IDO2: variants seen among roughly 807,000 people sequenced by gnomAD.
The protein encoded by IDO2 is indoleamine 2,3-dioxygenase-like 1 protein.
Under a neutral mutation model 45.1 loss-of-function variants are expected in IDO2, and 46 were observed. That is an observed-to-expected ratio of 1.02 (90% CI 0.80 to 1.30). The LOEUF (loss-of-function observed/expected upper bound fraction) is 1.30. IDO2 is among the 50% of genes most tolerant of loss of function. The probability of loss-of-function intolerance (pLI) is 0.00; values close to 1 mark genes in which losing one functional copy is unlikely to be tolerated. For missense variants in IDO2, 544 were observed against 491.8 expected (o/e 1.11, Z -1.00); for synonymous variants, 218 against 184.9 (o/e 1.18, Z -1.45).
chr8:39,950,353 G>A (rs1045068260), intron 2 of IDO2, among the ~76,000 whole-genome samples: 2 of 152,116 alleles, frequency 1.3e-5, no homozygotes, highest in Non-Finnish European at 2.9e-5. Flanking sequence ...TCAACATGGT[G>A]AAACCCCGTC....
At chr8:40,012,741 G>C (rs1487981054) in intron 9 of IDO2, among the ~76,000 whole-genome samples, 1 of 152,094 alleles carries the variant, frequency 6.6e-6, no homozygotes, top group Admixed American at 6.6e-5. Context: ...GGAAAGGTGG[G>C]GAGGAGAGGA....
intron 3 of IDO2, among the ~76,000 whole-genome samples, chr8:39,972,713 T>C (rs1391068273): frequency 3.3e-5 from 5 of 150,430 alleles, no homozygotes; most frequent in East Asian, 2.0e-4. Context: ...GAAGAGTCAA[T>C]TGATGTGGCA....
chr8:40,000,816 T>C (rs1175716351), intron 8 of IDO2, among the ~76,000 whole-genome samples: 2 of 152,334 alleles, frequency 1.3e-5, no homozygotes, highest in Non-Finnish European at 2.9e-5. Context: ...TCACAATGTT[T>C]GAACTAAGTT....
At chr8:39,981,479 A>C (rs1808351261) in intron 4 of IDO2, among the ~76,000 whole-genome samples, 1 of 152,088 alleles carries the variant, frequency 6.6e-6, no homozygotes, top group African/African-American at 2.4e-5. Flanking sequence ...GGGGGAGAGA[A>C]GAGTGACAGT....
intron 8 of IDO2, among the ~76,000 whole-genome samples, chr8:40,001,245 A>AT (rs1187145007): frequency 0.044 from 4,150 of 94,374 alleles, 300 homozygotes; most frequent in African/African-American, 0.11. Context: ...GGCTTTCCTC[A>AT]TTTTTTTTTT....
chr8:39,994,674 A>G (rs958426345), intron 8 of IDO2, among the ~76,000 whole-genome samples: 53 of 46,426 alleles, frequency 1.1e-3, no homozygotes, highest in African/African-American at 2.9e-3. Flanking sequence ...TGAATCTGGG[A>G]AATTGTTCCT....
Position 39,985,527 on chromosome 8 carries a change from G to A in IDO2, c.449+5G>A. The A allele has an allele frequency of 2.6e-6, 4 of 1,563,834 alleles. No individual in the cohort carries two copies. In the South Asian group the frequency reaches 4.7e-5, roughly 18 times the overall value. ...GGCTAGATTCCTGGAAATTGGGTAA[G>A]TTCTCAGAAATCATTTACGCACTTT... On this transcript the variant is annotated splice_donor_5th_base_variant and intron_variant, in intron 6 of 10. Coordinates refer to ENST00000502986, the Ensembl canonical transcript of IDO2.
At chr8:39,987,144 C>T (rs1808439106) in intron 6 of IDO2, 1 of 152,220 alleles carries the variant, frequency 6.6e-6, no homozygotes, top group Non-Finnish European at 1.5e-5. Flanking sequence ...GCCACTGTGC[C>T]TGGCCAGTTC....
At chr8:39,993,662 T>C (rs1801983348) in intron 8 of IDO2, among the ~76,000 whole-genome samples, 1 of 152,234 alleles carries the variant, frequency 6.6e-6, no homozygotes, top group Non-Finnish European at 1.5e-5. Context: ...TAATAAATTC[T>C]ATATGATAAT....
intron 9 of IDO2, among the ~76,000 whole-genome samples, chr8:40,011,761 T>A (rs1189688857): frequency 1.3e-5 from 2 of 152,230 alleles, no homozygotes; most frequent in African/African-American, 4.8e-5. Flanking sequence ...TTTACTCAGA[T>A]GAGAAAGCTG....
At chr8:39,981,313 G>A (rs890513071) in intron 4 of IDO2, among the ~76,000 whole-genome samples, 5 of 152,206 alleles carry the variant, frequency 3.3e-5, no homozygotes, top group African/African-American at 7.2e-5. Context: ...GCCCGCCTTC[G>A]CCTCCCAAAG....
intron 1 of IDO2, among the ~76,000 whole-genome samples, chr8:39,935,935 GA>G (rs748638797): frequency 1.3e-5 from 2 of 152,152 alleles, no homozygotes; most frequent in Non-Finnish European, 2.9e-5. Context: ...AGTCATAACT[GA>G]AAATCAAAAG....
intron 8 of IDO2, among the ~76,000 whole-genome samples, chr8:40,003,387 A>ATG (rs1277707485): frequency 3.4e-5 from 2 of 58,618 alleles, no homozygotes; most frequent in Non-Finnish European, 4.0e-5. Context: ...AAAAAAAAAA[A>ATG]AAAAGAAAAC....
intron 9 of IDO2, among the ~76,000 whole-genome samples, chr8:40,009,037 G>A (rs2129595476): frequency 6.8e-6 from 1 of 146,494 alleles, no homozygotes; most frequent in East Asian, 2.0e-4. Context: ...ATTTTTAGAT[G>A]GAGGTCTCGC....
intron 8 of IDO2, among the ~76,000 whole-genome samples, chr8:39,995,887 G>C (rs574421572): frequency 6.6e-6 from 1 of 152,280 alleles, no homozygotes; most frequent in African/African-American, 2.4e-5. Flanking sequence ...TAACGCCCGC[G>C]TCTGGGAAGA....
rs568485724 is a variant in IDO2, at chr8:39,947,904, C to T, written c.-17-1245C>T. Among the ~76,000 whole-genome samples the T allele has an allele frequency of 3.7e-3, 560 of 151,992 alleles. 4 individuals carry two copies. Among genetic ancestry groups the T allele is most frequent in the African/African-American group, 6.1e-3 (251 of 41,458 alleles). On this transcript the variant is annotated intron_variant, in intron 1 of 10. Coordinates refer to ENST00000502986, the Ensembl canonical transcript of IDO2. ...CCAGGTTCAAGCAATTCTCCTGCCT[C>T]AGCCTCCCGAGTAGCTGGGATTACA... is the stretch of plus-strand genomic sequence containing the variant.
chr8:39,947,465 C>A (rs1807754322), intron 1 of IDO2, among the ~76,000 whole-genome samples: 1 of 152,202 alleles, frequency 6.6e-6, no homozygotes, highest in Non-Finnish European at 1.5e-5. Context: ...AGGTCATAGC[C>A]TGTTCCTCTT....
intron 8 of IDO2, among the ~76,000 whole-genome samples, chr8:39,994,533 A>G (rs1345395057): frequency 6.6e-6 from 1 of 152,182 alleles, no homozygotes; most frequent in Non-Finnish European, 1.5e-5. Flanking sequence ...CTGGGATTAC[A>G]GGCATGAGCC....
chr8:40,002,666 G>A (rs1802156996), intron 8 of IDO2, among the ~76,000 whole-genome samples: 2 of 152,086 alleles, frequency 1.3e-5, no homozygotes, highest in South Asian at 4.1e-4. Flanking sequence ...TTGAATTCTA[G>A]CTACTCAGGA....
Sources: gnomAD v4.1 joint callset for allele counts (sites outside exome capture counted in the v4.1 genomes callset) on GRCh38, gnomAD v4.1.1 for gene constraint, MANE v1.5 for transcripts, NCBI Gene and HGNC (gene_info 2026-07-23, HGNC 2026-07-21) for gene names.